Variants in CASR observed in about 807,000 individuals in gnomAD.
CASR encodes extracellular calcium-sensing receptor.
In CASR, 23 loss-of-function variants were observed where a neutral mutation model predicts 69.1. The ratio of observed to expected loss-of-function variants is 0.33; its 90% CI spans 0.24 to 0.47. The LOEUF (loss-of-function observed/expected upper bound fraction) is 0.47, where lower values mean the gene tolerates loss of function less well. Ranked by LOEUF, CASR falls within the 20% of genes least tolerant of loss-of-function variation. CASR has a pLI of 1.00. For missense variants in CASR, 924 were observed against 1,356.1 expected, an observed-to-expected ratio of 0.68 and a Z score of 5.00; for synonymous variants, 541 against 544.7, an observed-to-expected ratio of 0.99 and a Z score of 0.10.
intron 5 of CASR, among the ~76,000 whole-genome samples, chr3:122,277,028 G>A (rs1231962937): frequency 6.6e-6 from 1 of 150,454 alleles, no homozygotes; most frequent in Admixed American, 6.6e-5. Context: ...TATCACCTTT[G>A]AGCATCTTGG....
chr3:122,258,217 T>G (rs928297721), intron 3 of CASR, among the ~76,000 whole-genome samples: 1 of 152,214 alleles, frequency 6.6e-6, no homozygotes, highest in Non-Finnish European at 1.5e-5. Context: ...GGTGGGAGAA[T>G]CAGCTCAATT....
chr3:122,255,250 T>G (rs140840608), intron 2 of CASR, among the ~76,000 whole-genome samples: 2 of 150,462 alleles, frequency 1.3e-5, no homozygotes, highest in African/African-American at 4.9e-5. Flanking sequence ...GGACTGTTTA[T>G]CACCTCCCCT....
intron 1 of CASR, among the ~76,000 whole-genome samples, chr3:122,224,625 A>G (rs2074204790): frequency 1.3e-5 from 2 of 152,208 alleles, no homozygotes; most frequent in East Asian, 1.9e-4. Context: ...GCACAAAGCA[A>G]TTTACAGAGT....
rs112613972 is a variant in CASR, at chr3:122,256,806, C to T, written c.186-275C>T. Reference sequence around the variant, plus strand: ...CTAATTTTTGTATTTTTAATAGAGACGGGGTTTCGCCATGTTTTTGGCCAG... The same window carrying T: ...CTAATTTTTGTATTTTTAATAGAGATGGGGTTTCGCCATGTTTTTGGCCAG... On this transcript the variant is annotated intron_variant, in intron 2 of 6. Transcript: ENST00000639785. Among the ~76,000 whole-genome samples, 1,046 of 152,176 alleles carry T rather than the reference C, an allele frequency of 6.9e-3. 11 individuals are homozygous for T. The highest frequency in any genetic ancestry group is 0.024 in the African/African-American group (993 of 41,488).
At chr3:122,221,173 G>A (rs923210607) in intron 1 of CASR, among the ~76,000 whole-genome samples, 1 of 152,204 alleles carries the variant, frequency 6.6e-6, no homozygotes, top group Non-Finnish European at 1.5e-5. Context: ...GCATGAGGCA[G>A]AGTGTAGAAA....
rs539614526 is a variant in CASR, at chr3:122,224,336, T to C, written c.-242-29612T>C. On this transcript the variant is annotated intron_variant, in intron 1 of 6. Transcript: ENST00000639785. ...GGCTCAGAGAACTGGTAAACAACTTTAGTAAAGTTTTAGGATACAAAATCA... is the reference window on the plus strand; with the variant it reads ...GGCTCAGAGAACTGGTAAACAACTTCAGTAAAGTTTTAGGATACAAAATCA... Among the ~76,000 whole-genome samples, 6 of 152,274 alleles carry C rather than the reference T, an allele frequency of 3.9e-5. 1 individual carries two copies. In the South Asian group the frequency reaches 1.0e-3, roughly 26 times the overall value.
At chr3:122,213,222 G>T (rs1426572344) in intron 1 of CASR, among the ~76,000 whole-genome samples, 1 of 151,868 alleles carries the variant, frequency 6.6e-6, no homozygotes, top group Non-Finnish European at 1.5e-5. Flanking sequence ...AGTCCTCATT[G>T]TTGGAAGAAG....
At chr3:122,224,340 A>G (rs556061997) in intron 1 of CASR, among the ~76,000 whole-genome samples, 1 of 152,392 alleles carries the variant, frequency 6.6e-6, no homozygotes, top group East Asian at 1.9e-4. Context: ...CAACTTTAGT[A>G]AAGTTTTAGG....
At chr3:122,222,243 T>A (rs2074179163) in intron 1 of CASR, among the ~76,000 whole-genome samples, 1 of 152,214 alleles carries the variant, frequency 6.6e-6, no homozygotes, top group Non-Finnish European at 1.5e-5. Flanking sequence ...TCTTCTCATC[T>A]GCTAAATAAG....
intron 3 of CASR, among the ~76,000 whole-genome samples, chr3:122,258,541 C>T (rs186600331): frequency 1.3e-5 from 2 of 152,146 alleles, no homozygotes; most frequent in African/African-American, 4.8e-5. Context: ...AGTAAATGTG[C>T]TGCGTATATT....
intron 1 of CASR, among the ~76,000 whole-genome samples, chr3:122,242,647 C>T (rs2074389259): frequency 6.6e-6 from 1 of 152,146 alleles, no homozygotes; most frequent in Non-Finnish European, 1.5e-5. Flanking sequence ...ATACCAATAA[C>T]ATTCTTCACA....
intron 1 of CASR, among the ~76,000 whole-genome samples, chr3:122,208,950 G>A (rs566525678): frequency 2.6e-5 from 4 of 152,276 alleles, no homozygotes; most frequent in South Asian, 2.1e-4. Context: ...ACTAGAGTTC[G>A]ACATTGGGGC....
At chr3:122,227,941 A>G (rs2074241377) in intron 1 of CASR, among the ~76,000 whole-genome samples, 1 of 79,376 alleles carries the variant, frequency 1.3e-5, no homozygotes, top group Admixed American at 1.8e-4. Context: ...TTTTCTAAGG[A>G]CATCTAAATG....
chr3:122,210,610 CA>C (rs2074055198), intron 1 of CASR, among the ~76,000 whole-genome samples: 1 of 152,122 alleles, frequency 6.6e-6, no homozygotes, highest in Admixed American at 6.5e-5. Context: ...AATATAAAAA[CA>C]TTCCATGCTC....
chr3:122,287,908 C>G lies in CASR; in HGVS notation c.*2717C>G, dbSNP rs928741823. ...GAGCTTATGGAGGCTAACAAAGCTT[C>G]CAGGGTACCAGAGAAGAAACAGGGT... On this transcript the variant is annotated 3_prime_UTR_variant, in exon 7 of 7. Coordinates refer to ENST00000639785, the MANE Select transcript of CASR (RefSeq NM_000388.4). 6.6e-6 allele frequency: 1 copy of G among 152,228 alleles called. No homozygotes were observed. The allele number at this position is 152,228 out of a possible 1,614,324, so 9.4% of individuals were successfully genotyped here. A position where few individuals can be genotyped will look rare whatever the true frequency, so the allele number is the denominator to read the frequency against.
Position 122,283,780 on chromosome 3 carries a change from C to T in CASR, c.1826C>T (p.Thr609Met), listed in dbSNP as rs759904153. Residue 609 changes from threonine to methionine, a missense_variant, in exon 7 of 7, where the codon ACG becomes ATG. By Grantham distance (81) the Thr-to-Met change is moderately conservative. Coordinates refer to ENST00000639785, the MANE Select transcript of CASR (RefSeq NM_000388.4). Reference protein sequence around the residue: ...IAKEIEFLSWTEPFGIALTLF... With the variant: ...IAKEIEFLSWMEPFGIALTLF... ...AAGGAGATCGAGTTTCTGTCGTGGA[C>T]GGAGCCCTTTGGGATCGCACTCACC... 8 of 1,613,954 alleles carry T rather than the reference C, an allele frequency of 5.0e-6. No homozygotes were observed. Among genetic ancestry groups the T allele is most frequent in the African/African-American group, 2.7e-5 (2 of 74,888 alleles).
intron 1 of CASR, among the ~76,000 whole-genome samples, chr3:122,204,910 T>C (rs2073992013): frequency 6.6e-6 from 1 of 152,174 alleles, no homozygotes; most frequent in South Asian, 2.1e-4. Flanking sequence ...TTGCCCATTT[T>C]TTAATTGCAT....
intron 4 of CASR, among the ~76,000 whole-genome samples, chr3:122,275,459 G>C (rs2074806154): frequency 1.3e-5 from 2 of 152,220 alleles, no homozygotes; most frequent in Admixed American, 1.3e-4. Flanking sequence ...ATGGACTCTG[G>C]CTTATAAATC....
chr3:122,191,308 T>G (rs748390747), intron 1 of CASR, among the ~76,000 whole-genome samples: 14 of 152,180 alleles, frequency 9.2e-5, no homozygotes, highest in Non-Finnish European at 1.8e-4. Context: ...TTTTTTTGTT[T>G]TTTGTTTCAT....
Sources: allele counts gnomAD v4.1 joint callset (sites outside exome capture counted in the v4.1 genomes callset), GRCh38; gene constraint gnomAD v4.1.1; transcripts MANE v1.5; gene names NCBI Gene and HGNC (gene_info 2026-07-23, HGNC 2026-07-21).